LCT: variants seen among roughly 807,000 people sequenced by gnomAD.
LCT encodes the protein lactase/phlorizin hydrolase.
LCT carries 90 observed loss-of-function variants against 173.0 expected under a neutral mutation model. The ratio of observed to expected loss-of-function variants is 0.52; its 90% CI spans 0.44 to 0.62. The LOEUF (loss-of-function observed/expected upper bound fraction) is 0.62, where lower values mean the gene tolerates loss of function less well. Among genes scored for constraint, LCT ranks in the 20% least tolerant of loss-of-function variants. The pLI is 0.00. For missense variants in LCT, 1,864 were observed against 2,431.4 expected (o/e 0.77, Z 4.91); for synonymous variants, 853 against 957.6 (o/e 0.89, Z 2.02).
intron 2 of LCT, among the ~76,000 whole-genome samples, chr2:135,831,085 G>A (rs1249063328): frequency 6.6e-6 from 1 of 152,126 alleles, no homozygotes; most frequent in Non-Finnish European, 1.5e-5. Flanking sequence ...CTTGGTCTCC[G>A]TGCTCTCTCC....
chr2:135,824,853 A>G (rs984357220), intron 3 of LCT, among the ~76,000 whole-genome samples: 1 of 150,306 alleles, frequency 6.7e-6, no homozygotes, highest in East Asian at 2.0e-4. Context: ...AAATACAAAA[A>G]TTAGCTGGGC....
chr2:135,830,854 T>C (rs1389286582), intron 2 of LCT, among the ~76,000 whole-genome samples: 1 of 152,240 alleles, frequency 6.6e-6, no homozygotes, highest in Non-Finnish European at 1.5e-5. Context: ...TGTGTGGGGA[T>C]GGTGGGTAGG....
intron 2 of LCT, among the ~76,000 whole-genome samples, chr2:135,831,894 T>C (rs1031416302): frequency 4.6e-5 from 7 of 152,126 alleles, no homozygotes; most frequent in African/African-American, 1.7e-4. Context: ...GCTGTTCACT[T>C]CCCAGATTAT....
At chr2:135,789,934 G>A in intron 15 of LCT, 136 bp from the exon 16 acceptor site, 1 of 749,754 alleles carries the variant, frequency 1.3e-6, no homozygotes, top group South Asian at 1.4e-5. Flanking sequence ...CTTTAGCTCT[G>A]TGAGAAAGCT....
At chr2:135,834,808 A>AAAAG (rs1222170749) in intron 1 of LCT, among the ~76,000 whole-genome samples, 2 of 138,234 alleles carry the variant, frequency 1.4e-5, no homozygotes, top group African/African-American at 2.6e-5. Flanking sequence ...AAAAAAAAAA[A>AAAAG]AAGAAGAAGA....
intron 6 of LCT, among the ~76,000 whole-genome samples, chr2:135,816,634 T>C (rs2077783224): frequency 6.6e-6 from 1 of 152,160 alleles, no homozygotes; most frequent in African/African-American, 2.4e-5. Context: ...CTTGCTTAAG[T>C]CACTTTGGGT....
chr2:135,794,815 AGCCAT>A (rs2077566734), intron 13 of LCT, 40 bp from the exon 14 acceptor site: 1 of 1,613,344 alleles, frequency 6.2e-7, no homozygotes, highest in African/African-American at 1.3e-5. Flanking sequence ...CTTCAGGGAG[AGCCAT>A]GCTTTGAGAA....
chr2:135,836,434 T>C lies in LCT; in HGVS notation c.640+96A>G, dbSNP rs1679383081. The C allele has an allele frequency of 1.1e-5, 12 of 1,097,618 alleles. No individual in the cohort carries two copies. In the Admixed American group the frequency reaches 1.7e-4, roughly 15 times the overall value. The allele number at this position is 1,097,618 out of a possible 1,614,324, so 68.0% of individuals were successfully genotyped here. A position where few individuals can be genotyped will look rare whatever the true frequency, so the allele number is the denominator to read the frequency against. ...ACAGACATAAGAGGACTGCTGAAGG[T>C]GAGTTGGGAGAAATGTCGAATCTGC... On this transcript the variant is annotated intron_variant, in intron 1 of 16. Coordinates refer to ENST00000264162, the MANE Select transcript of LCT (RefSeq NM_002299.4).
At chr2:135,835,802 G>A (rs1428554451) in intron 1 of LCT, among the ~76,000 whole-genome samples, 1 of 149,744 alleles carries the variant, frequency 6.7e-6, no homozygotes, top group Non-Finnish European at 1.5e-5. Context: ...AAGCTGCAAT[G>A]TAAGCTCCAA....
At chr2:135,803,824 C>T (rs1322632327) in intron 11 of LCT, 106 bp downstream of exon 11, 26 of 1,009,316 alleles carry the variant, frequency 2.6e-5, no homozygotes, top group Non-Finnish European at 3.2e-5. Flanking sequence ...GGGTTTCTGC[C>T]ATGGGGCTTT....
chr2:135,812,939 G>C lies in LCT; in HGVS notation c.1725C>G (p.Leu575=). 6.2e-7 allele frequency: 1 copy of C among 1,614,172 alleles called. No homozygotes were observed. Among genetic ancestry groups the C allele is most frequent in the Non-Finnish European group, 8.5e-7 (1 of 1,180,020 alleles). Residue 575 remains leucine (L), a synonymous_variant, in exon 7 of 17, where the codon CTC becomes CTG. Coordinates refer to ENST00000264162, the MANE Select transcript of LCT (RefSeq NM_002299.4). ...VASFKVAHLV[L]KAHARTWHHY... ...GGTGCCAAGTTCTGGCATGAGCCTT[G>C]AGGACCAAGTGAGCCACCTTGTGAA... is the stretch of plus-strand genomic sequence containing the variant.
intron 3 of LCT, among the ~76,000 whole-genome samples, chr2:135,829,238 G>A (rs2077913062): frequency 6.6e-6 from 1 of 152,100 alleles, no homozygotes; most frequent in Admixed American, 6.6e-5. Context: ...GTTCAGTGGT[G>A]TTAAGTGGAC....
At chr2:135,805,128 G>C (rs2077659180) in intron 9 of LCT, 71 bp from the exon 10 acceptor site, 7 of 1,415,032 alleles carry the variant, frequency 4.9e-6, no homozygotes, top group Non-Finnish European at 7.0e-6. Context: ...CTTTCACTGG[G>C]TGAGTCTCAA....
At position 135,804,890 on chromosome 2, in the gene LCT, G is replaced by A. The variant is rs753643743; in HGVS notation, c.4341C>T (p.Tyr1447=). ...VTLQNLGVSH[Y]RFSISWSRIL... ...TGCGAGACCAGGAGATGGAAAAACG[G>A]TAGTGGGACACGCCCAGGTTCTGCA... Residue 1447 remains tyrosine, a synonymous_variant, in exon 10 of 17, where the codon TAC becomes TAT. Coordinates refer to ENST00000264162, the MANE Select transcript of LCT (RefSeq NM_002299.4). 4 of 1,614,040 alleles carry A rather than the reference G, an allele frequency of 2.5e-6. No homozygotes were observed. In the South Asian group the frequency reaches 3.3e-5, roughly 13 times the overall value.
At chr2:135,829,702 A>G in intron 2 of LCT, 26 bp from the exon 3 acceptor site, 2 of 1,466,870 alleles carry the variant, frequency 1.4e-6, no homozygotes, top group Non-Finnish European at 1.9e-6. Flanking sequence ...AAATAGGGTC[A>G]TTAGAACCTA....
intron 3 of LCT, among the ~76,000 whole-genome samples, chr2:135,828,637 A>T (rs1314269809): frequency 6.6e-6 from 1 of 152,196 alleles, no homozygotes; most frequent in Non-Finnish European, 1.5e-5. Flanking sequence ...TTGTCACAGG[A>T]GAATAGTTGG....
intron 3 of LCT, among the ~76,000 whole-genome samples, chr2:135,827,449 T>C (rs1192990732): frequency 1.3e-5 from 2 of 152,142 alleles, no homozygotes; most frequent in Admixed American, 6.6e-5. Context: ...CTAAAATAGC[T>C]GTTACTCAGA....
intron 14 of LCT, among the ~76,000 whole-genome samples, chr2:135,791,812 G>C (rs988146930): frequency 2.6e-5 from 4 of 152,190 alleles, no homozygotes; most frequent in African/African-American, 9.7e-5. Flanking sequence ...CCTGGACACA[G>C]TCAGAGCTAC....
chr2:135,825,138 A>G (rs548389533), intron 3 of LCT, among the ~76,000 whole-genome samples: 1 of 152,334 alleles, frequency 6.6e-6, no homozygotes, highest in South Asian at 2.1e-4. Context: ...CTTCACTTTA[A>G]ATTACCTTTT....
Sources: allele counts gnomAD v4.1 joint callset (sites outside exome capture counted in the v4.1 genomes callset), GRCh38; gene constraint gnomAD v4.1.1; transcripts MANE v1.5; gene names NCBI Gene and HGNC (gene_info 2026-07-23, HGNC 2026-07-21).